SYNE2: variants seen among roughly 807,000 people sequenced by gnomAD.
The protein encoded by SYNE2 is nesprin-2.
Under a neutral mutation model 856.3 loss-of-function variants are expected in SYNE2, and 431 were observed. The observed-to-expected ratio is 0.50, with a 90% CI of 0.47 to 0.55. The LOEUF is 0.55. Ranked by LOEUF, SYNE2 falls within the 20% of genes least tolerant of loss-of-function variation. SYNE2 has a pLI of 0.00. For missense variants in SYNE2, 8,129 were observed against 8,023.2 expected, an observed-to-expected ratio of 1.01 and a Z score of -0.50; for synonymous variants, 2,923 against 2,872.3, an observed-to-expected ratio of 1.02 and a Z score of -0.56.
At chr14:63,995,501 G>A (rs2096706166) in intron 23 of SYNE2, among the ~76,000 whole-genome samples, 1 of 152,124 alleles carries the variant, frequency 6.6e-6, no homozygotes, top group South Asian at 2.1e-4. Flanking sequence ...ACCCACAGTT[G>A]GCTTTTGTCA....
intron 1 of SYNE2, among the ~76,000 whole-genome samples, chr14:63,833,017 C>A (rs1199416184): frequency 6.0e-5 from 9 of 150,080 alleles, no homozygotes; most frequent in African/African-American, 1.7e-4. Context: ...TTGATATAGA[C>A]CCTGTATAAA....
At chr14:64,173,109 G>T (rs1012296148) in intron 94 of SYNE2, among the ~76,000 whole-genome samples, 1 of 152,180 alleles carries the variant, frequency 6.6e-6, no homozygotes, top group Non-Finnish European at 1.5e-5. Context: ...GTCTTAGGCA[G>T]ATAAAGGACT....
intron 28 of SYNE2, among the ~76,000 whole-genome samples, chr14:64,001,638 G>C (rs1283392419): frequency 6.6e-6 from 1 of 152,206 alleles, no homozygotes. Flanking sequence ...AGTGGGTCAT[G>C]GTTAACCTAG....
chr14:63,941,637 A>G (rs1431618245), intron 3 of SYNE2, 58 bp from the exon 4 acceptor site: 2 of 1,418,952 alleles, frequency 1.4e-6, no homozygotes, highest in African/African-American at 1.4e-5. Flanking sequence ...TGAGATTCTT[A>G]AAGGTATTCT....
At position 64,114,373 on chromosome 14, in the gene SYNE2, C is replaced by T. The variant is rs139413204; in HGVS notation, c.12840+802C>T. On this transcript the variant is annotated intron_variant, in intron 66 of 115. Transcript: ENST00000555002. ...GCTGCACTTAGGAGACCAGACTTGT[C>T]TTTATCATATGGGCTTGTCTGCCAG... Among the ~76,000 whole-genome samples, 793 of 152,262 alleles carry T rather than the reference C, an allele frequency of 5.2e-3. 9 individuals are homozygous for T. Among genetic ancestry groups the T allele is most frequent in the African/African-American group, 0.018 (760 of 41,550 alleles).
chr14:64,043,596 C>T (rs1311796344), intron 45 of SYNE2, among the ~76,000 whole-genome samples: 2 of 152,198 alleles, frequency 1.3e-5, no homozygotes, highest in Admixed American at 6.5e-5. Flanking sequence ...CCAGCCTTGA[C>T]TAAAAGGAGC....
In SYNE2 at chr14:64,019,968, A is replaced by C. The variant is rs549593463; in HGVS notation, c.5050-24A>C. 35 of 1,464,184 alleles carry C rather than the reference A, an allele frequency of 2.4e-5. No homozygotes were observed. The East Asian group carries it at 7.5e-4, about 31-fold the overall frequency. 90.7% of individuals were successfully genotyped at this position (1,464,184 alleles called of 1,614,324 possible). ...ATAAGGTATGAAATAAAAAGACACTATCCTTTAAAATTACATGTTTTAGGA... is the reference window on the plus strand; with the variant it reads ...ATAAGGTATGAAATAAAAAGACACTCTCCTTTAAAATTACATGTTTTAGGA... On this transcript the variant is annotated intron_variant, in intron 34 of 115. Coordinates refer to ENST00000555002, the MANE Select transcript of SYNE2 (RefSeq NM_182914.3).
rs150366060 is a variant in SYNE2, at chr14:64,218,478, C to T, written c.19623C>T (p.Asp6541=). 50 of 1,614,036 alleles carry T rather than the reference C, an allele frequency of 3.1e-5. No homozygotes were observed. The Middle Eastern group carries it at 6.6e-4, about 21-fold the overall frequency. Residue 6541 remains aspartate (D), a synonymous_variant, in exon 109 of 116, where the codon GAC becomes GAT. Transcript: ENST00000555002. ...TGAATGGCAACCCACAGCAGGAAGA[C>T]GGGGGACTGGCCGGTATCACAGAGC... is the stretch of plus-strand genomic sequence containing the variant. ...RVLNGNPQQE[D]GGLAGITEQQ... is the part of the protein sequence containing the mutation.
chr14:64,016,231 C>T (rs1165196732), intron 32 of SYNE2, among the ~76,000 whole-genome samples: 1 of 151,830 alleles, frequency 6.6e-6, no homozygotes, highest in Non-Finnish European at 1.5e-5. Context: ...ATAAAAATTT[C>T]ATCATGCAGA....
chr14:64,038,381 C>G (rs1425290790), intron 45 of SYNE2, among the ~76,000 whole-genome samples: 2 of 152,276 alleles, frequency 1.3e-5, no homozygotes, highest in Non-Finnish European at 2.9e-5. Flanking sequence ...CAGAGGGGCT[C>G]CTCACCTCCC....
intron 1 of SYNE2, among the ~76,000 whole-genome samples, chr14:63,822,231 CAAAA>C (rs796238458): frequency 6.8e-6 from 1 of 147,588 alleles, no homozygotes; most frequent in Non-Finnish European, 1.5e-5. Flanking sequence ...AAAAAACAAA[CAAAA>C]AAAAAAACCC....
At chr14:63,897,151 G>A (rs1319941842) in intron 1 of SYNE2, among the ~76,000 whole-genome samples, 1 of 152,138 alleles carries the variant, frequency 6.6e-6, no homozygotes, top group Non-Finnish European at 1.5e-5. Flanking sequence ...TACTTGGGAG[G>A]CTGAGGCAGG....
At chr14:64,116,829 A>G (rs1431772669) in intron 66 of SYNE2, among the ~76,000 whole-genome samples, 1 of 152,244 alleles carries the variant, frequency 6.6e-6, no homozygotes, top group Non-Finnish European at 1.5e-5. Context: ...CAAGAGGGAA[A>G]TTGGTAAGTG....
At chr14:63,947,984 A>G (rs1169468523) in intron 6 of SYNE2, among the ~76,000 whole-genome samples, 8 of 152,214 alleles carry the variant, frequency 5.3e-5, no homozygotes. Flanking sequence ...CACCAGTACT[A>G]TACTTTGTAA....
At chr14:63,990,793 G>A (rs1594714829) in intron 20 of SYNE2, 149 bp from the exon 21 acceptor site, 1 of 773,890 alleles carries the variant, frequency 1.3e-6, no homozygotes. Flanking sequence ...TCTAAATTTA[G>A]ATAGATTTAT....
intron 99 of SYNE2, among the ~76,000 whole-genome samples, chr14:64,193,200 A>G (rs1341262083): frequency 6.6e-6 from 1 of 152,196 alleles, no homozygotes; most frequent in African/African-American, 2.4e-5. Flanking sequence ...AGCCTCTTCC[A>G]TCCTTCCCAC....
intron 1 of SYNE2, among the ~76,000 whole-genome samples, chr14:63,900,014 A>G (rs542313218): frequency 3.3e-5 from 5 of 152,350 alleles, no homozygotes; most frequent in South Asian, 4.1e-4. Context: ...CACCTTAAAC[A>G]AGAAGTATTA....
chr14:64,144,631 A>G (rs558692794), intron 83 of SYNE2, among the ~76,000 whole-genome samples: 26 of 152,342 alleles, frequency 1.7e-4, no homozygotes, highest in Admixed American at 7.2e-4. Flanking sequence ...TTAATCAGAT[A>G]AGGACAAAAA....
intron 2 of SYNE2, among the ~76,000 whole-genome samples, chr14:63,921,420 A>C (rs1379139729): frequency 1.3e-5 from 2 of 152,180 alleles, no homozygotes; most frequent in Non-Finnish European, 2.9e-5. Flanking sequence ...ATCTAGAAAA[A>C]GAGAAGGGTC....
Sources: allele counts gnomAD v4.1 joint callset (sites outside exome capture counted in the v4.1 genomes callset), GRCh38; gene constraint gnomAD v4.1.1; transcripts MANE v1.5; gene names NCBI Gene and HGNC (gene_info 2026-07-23, HGNC 2026-07-21).